CUX1: variants seen among roughly 807,000 people sequenced by gnomAD.
The protein encoded by CUX1 is cut like homeobox 1, also known as protein CASP.
CUX1 carries 31 observed loss-of-function variants against 158.8 expected under a neutral mutation model. That is an observed-to-expected ratio of 0.20 (90% CI 0.15 to 0.26). CUX1 has a LOEUF of 0.26. CUX1 is among the 10% of genes least tolerant of loss of function. The pLI is 1.00. For synonymous variants in CUX1, 879 were observed against 862.1 expected (o/e 1.02, Z -0.34); for missense variants, 1,589 against 2,014.6 (o/e 0.79, Z 4.04).
intron 2 of CUX1, among the ~76,000 whole-genome samples, chr7:101,980,783 C>T (rs1399112803): frequency 2.0e-5 from 3 of 152,140 alleles, no homozygotes; most frequent in Non-Finnish European, 2.9e-5. Flanking sequence ...GCCCCGAGAA[C>T]CAGCCCGCCG....
intron 1 of CUX1, among the ~76,000 whole-genome samples, chr7:101,878,618 T>TA (rs1205318148): frequency 6.6e-6 from 1 of 151,892 alleles, no homozygotes; most frequent in Non-Finnish European, 1.5e-5. Flanking sequence ...AATGTGATTG[T>TA]AAAAATTCTA....
At chr7:102,245,972 C>CAA (rs61702654) in intron 23 of CUX1, among the ~76,000 whole-genome samples, 13 of 113,640 alleles carry the variant, frequency 1.1e-4, no homozygotes, top group South Asian at 5.7e-4. Context: ...ACTCCCTTCT[C>CAA]AAAAAAAAAA....
At chr7:102,175,850 G>A (rs563661152) in intron 10 of CUX1, among the ~76,000 whole-genome samples, 7 of 152,310 alleles carry the variant, frequency 4.6e-5, no homozygotes, top group East Asian at 3.9e-4. Context: ...CAGACTGATC[G>A]TTTTATATAA....
intron 3 of CUX1, among the ~76,000 whole-genome samples, chr7:102,046,872 C>T (rs1240545373): frequency 6.6e-6 from 1 of 152,166 alleles, no homozygotes; most frequent in Non-Finnish European, 1.5e-5. Context: ...TGAGCCACCA[C>T]ACCCAGCTCA....
At chr7:101,838,118 C>T (rs769075930) in intron 1 of CUX1, among the ~76,000 whole-genome samples, 1 of 151,206 alleles carries the variant, frequency 6.6e-6, no homozygotes, top group African/African-American at 2.4e-5. Context: ...CCTTCCTTTT[C>T]ACTCGTCACA....
chr7:102,195,823 C>G (rs6954742), intron 14 of CUX1, among the ~76,000 whole-genome samples: 10,130 of 152,244 alleles, frequency 0.067, 394 homozygotes, highest in African/African-American at 0.086. Flanking sequence ...GGGCCAGCCG[C>G]ACAGGCTCTG....
intron 1 of CUX1, among the ~76,000 whole-genome samples, chr7:101,831,706 C>G (rs1444813497): frequency 1.4e-5 from 2 of 146,886 alleles, no homozygotes; most frequent in Non-Finnish European, 3.0e-5. Context: ...AGAGTCACTT[C>G]TGTCTTCTGA....
intron 21 of CUX1, chr7:102,282,615 G>A: frequency 7.5e-7 from 1 of 1,333,928 alleles, no homozygotes; most frequent in Non-Finnish European, 1.0e-6. Context: ...TGGGGCTCGA[G>A]AACCTTTATG....
At chr7:101,831,552 A>G (rs1048640136) in intron 1 of CUX1, among the ~76,000 whole-genome samples, 1 of 151,946 alleles carries the variant, frequency 6.6e-6, no homozygotes, top group African/African-American at 2.4e-5. Flanking sequence ...TCAGCCTCCC[A>G]AAGTGCTGGG....
rs1411986242 is a variant in CUX1, at chr7:102,201,256, C to T, written c.2063-104C>T. On this transcript the variant is annotated intron_variant, in intron 17 of 23. Transcript: ENST00000292535. This position sits in a 1 kb window ranked among gnomAD's most constrained non-coding sequence, Gnocchi z 5.0. ...CTGGGGAAATACACAGTGTGGTTCT[C>T]CCAAATAACCCACACTTTGCAGTAG... 2.6e-5 allele frequency: 39 copies of T among 1,492,718 alleles called. No homozygotes were observed. Among genetic ancestry groups the T allele is most frequent in the Non-Finnish European group, 3.0e-5 (33 of 1,108,176 alleles). 92.5% of individuals were successfully genotyped at this position (1,492,718 alleles called of 1,614,324 possible). A position where few individuals can be genotyped will look rare whatever the true frequency, so the allele number is the denominator to read the frequency against.
intron 2 of CUX1, among the ~76,000 whole-genome samples, chr7:101,919,633 T>C (rs866770573): frequency 7.3e-5 from 11 of 151,558 alleles, no homozygotes; most frequent in African/African-American, 2.7e-4. Context: ...ACGTCTCTCT[T>C]TGTTCTGGGA....
chr7:102,126,763 T>C (rs564578677), intron 8 of CUX1, among the ~76,000 whole-genome samples: 76 of 152,272 alleles, frequency 5.0e-4, no homozygotes, highest in South Asian at 3.5e-3. Context: ...GGGGCGCGGT[T>C]CAGGATGATT....
intron 2 of CUX1, among the ~76,000 whole-genome samples, chr7:101,969,203 C>T (rs187599982): frequency 3.3e-5 from 5 of 151,678 alleles, no homozygotes; most frequent in Admixed American, 1.3e-4. Context: ...AGCGTGGTGG[C>T]GCACACCTGT....
intron 22 of CUX1, among the ~76,000 whole-genome samples, chr7:102,235,353 G>A (rs782703526): frequency 2.6e-5 from 4 of 152,182 alleles, no homozygotes; most frequent in Non-Finnish European, 4.4e-5. Flanking sequence ...CGGTCTGACC[G>A]TAAGAAGCGG....
intron 1 of CUX1, among the ~76,000 whole-genome samples, chr7:101,829,730 C>T (rs1477855554): frequency 1.3e-5 from 2 of 152,118 alleles, no homozygotes; most frequent in African/African-American, 4.8e-5. Flanking sequence ...GGACGCCTGG[C>T]TGGAGCCTTG....
Position 102,249,875 on chromosome 7 carries a change from A to T in CUX1, c.*833A>T. The T allele has an allele frequency of 2.0e-6, 2 of 985,804 alleles. No individual in the cohort carries two copies. Among genetic ancestry groups the T allele is most frequent in the Non-Finnish European group, 2.4e-6 (2 of 829,908 alleles). The allele number at this position is 985,804 out of a possible 1,614,324, so 61.1% of individuals were successfully genotyped here. On this transcript the variant is annotated 3_prime_UTR_variant, in exon 24 of 24. Transcript: ENST00000292535. Reference sequence around the variant, plus strand: ...TTACTCCACATATTTTTTAACAAAAAGAAAACGTCACATCAGGAAACTCTG... The same window carrying T: ...TTACTCCACATATTTTTTAACAAAATGAAAACGTCACATCAGGAAACTCTG...
chr7:101,856,734 C>T (rs140518853), intron 1 of CUX1, among the ~76,000 whole-genome samples: 71 of 152,336 alleles, frequency 4.7e-4, no homozygotes, highest in Non-Finnish European at 8.4e-4. Context: ...GAAACCCTCC[C>T]GACTTTCACG....
At chr7:101,997,687 G>A (rs1211876256) in intron 2 of CUX1, among the ~76,000 whole-genome samples, 1 of 152,106 alleles carries the variant, frequency 6.6e-6, no homozygotes, top group Non-Finnish European at 1.5e-5. Context: ...GTGTCCCGTG[G>A]CCTCATCTCA....
chr7:102,280,890 C>T lies in CUX1; in HGVS notation c.1821+30C>T, dbSNP rs782515325. 8 of 1,600,042 alleles carry T rather than the reference C, an allele frequency of 5.0e-6. No individual in the cohort carries two copies. In the Admixed American group the frequency reaches 5.0e-5, roughly 10 times the overall value. ...GTCCCTGCCCCTACCCACCCCCTCC[C>T]TGGACAGGCCTGAGCCTCTGTCTCC... On this transcript the variant is annotated intron_variant, in intron 20 of 22. Coordinates refer to the CUX1 transcript ENST00000292538.
Sources: allele counts gnomAD v4.1 joint callset (sites outside exome capture counted in the v4.1 genomes callset), GRCh38; gene constraint gnomAD v4.1.1; non-coding constraint Gnocchi (gnomAD v3.1); transcripts MANE v1.5; gene names NCBI Gene and HGNC (gene_info 2026-07-23, HGNC 2026-07-21).